The following DIAPH3 variants were observed in gnomAD, a reference collection of about 807,000 sequenced individuals.
DIAPH3 encodes protein diaphanous homolog 3.
A neutral mutation model predicts 144.3 loss-of-function variants in DIAPH3; 117 were observed. That is an observed-to-expected ratio of 0.81 (90% confidence interval 0.70 to 0.95). The LOEUF (loss-of-function observed/expected upper bound fraction) is 0.95. DIAPH3 is among the 40% of genes least tolerant of loss of function. The probability of loss-of-function intolerance (pLI) is 0.00; values close to 1 mark genes in which losing one functional copy is unlikely to be tolerated. For missense variants in DIAPH3, 1,421 were observed against 1,412.7 expected, an observed-to-expected ratio of 1.01 and a Z score of -0.09; for synonymous variants, 519 against 488.9, an observed-to-expected ratio of 1.06 and a Z score of -0.81.
intron 3 of DIAPH3, among the ~76,000 whole-genome samples, chr13:60,098,655 A>C (rs1408365779): frequency 6.6e-6 from 1 of 152,224 alleles, no homozygotes. Flanking sequence ...CCTTAAAAAA[A>C]AAGGCAATAT....
At chr13:59,970,820 T>A (rs750265713) in intron 16 of DIAPH3, 32 bp downstream of exon 16, 11 of 1,588,266 alleles carry the variant, frequency 6.9e-6, no homozygotes, top group Middle Eastern at 2.3e-4. Flanking sequence ...TAGATCTAAG[T>A]AAAAGTATTT....
chr13:59,822,716 C>T (rs1196195014), intron 24 of DIAPH3, among the ~76,000 whole-genome samples: 2 of 152,102 alleles, frequency 1.3e-5, no homozygotes, highest in Non-Finnish European at 2.9e-5. Flanking sequence ...GCTGGGATTA[C>T]AGGCCTGAGC....
intron 27 of DIAPH3, among the ~76,000 whole-genome samples, chr13:59,717,913 T>C (rs994526708): frequency 4.6e-5 from 7 of 152,154 alleles, no homozygotes; most frequent in Non-Finnish European, 1.0e-4. Flanking sequence ...GACAATCTTA[T>C]TTGTCATTAG....
At chr13:60,066,660 T>C (rs756003220) in intron 4 of DIAPH3, among the ~76,000 whole-genome samples, 3 of 152,252 alleles carry the variant, frequency 2.0e-5, no homozygotes, top group Admixed American at 1.3e-4. Flanking sequence ...ATTGTTCATA[T>C]GCTACATTCC....
At chr13:60,031,564 C>T (rs1325665317) in intron 5 of DIAPH3, among the ~76,000 whole-genome samples, 1 of 152,032 alleles carries the variant, frequency 6.6e-6, no homozygotes, top group Non-Finnish European at 1.5e-5. Context: ...AAGGTGAGTC[C>T]CTTTTACTTA....
At chr13:59,861,627 T>C (rs2043595861) in intron 21 of DIAPH3, 91 bp from the exon 22 acceptor site, 21 of 1,387,462 alleles carry the variant, frequency 1.5e-5, no homozygotes, top group Non-Finnish European at 2.1e-5. Flanking sequence ...ATTTTGTAGA[T>C]AAGGACTAAA....
intron 9 of DIAPH3, among the ~76,000 whole-genome samples, chr13:59,998,630 T>A (rs1594279174): frequency 1.3e-5 from 2 of 152,128 alleles, no homozygotes; most frequent in African/African-American, 4.8e-5. Flanking sequence ...TAACCATTAG[T>A]TTATACTTGG....
intron 1 of DIAPH3, among the ~76,000 whole-genome samples, chr13:60,134,245 A>T (rs2059212542): frequency 6.6e-6 from 1 of 152,224 alleles, no homozygotes; most frequent in South Asian, 2.1e-4. Context: ...TTGAATTAGA[A>T]TCACCTACTT....
chr13:59,994,531 A>G (rs1044641976), intron 9 of DIAPH3, among the ~76,000 whole-genome samples: 1 of 151,936 alleles, frequency 6.6e-6, no homozygotes. Context: ...CAATGAAGAT[A>G]TATCAGTAAA....
chr13:60,090,202 T>C (rs920966858), intron 4 of DIAPH3, among the ~76,000 whole-genome samples: 5 of 152,212 alleles, frequency 3.3e-5, no homozygotes, highest in Non-Finnish European at 7.3e-5. Flanking sequence ...CACGTTCCCA[T>C]GCCCTGAAAG....
chr13:60,064,738 C>T (rs1337197119), intron 4 of DIAPH3, among the ~76,000 whole-genome samples: 1 of 152,144 alleles, frequency 6.6e-6, no homozygotes, highest in African/African-American at 2.4e-5. Context: ...TAGAATTTTT[C>T]CTTTGCATTC....
intron 22 of DIAPH3, among the ~76,000 whole-genome samples, chr13:59,841,379 C>A (rs1413742070): frequency 6.6e-6 from 1 of 151,934 alleles, no homozygotes; most frequent in Non-Finnish European, 1.5e-5. Flanking sequence ...CAACTTGAAG[C>A]CAGGAGTTCA....
chr13:59,681,170 T>TA (rs1475144049), intron 27 of DIAPH3, among the ~76,000 whole-genome samples: 3 of 152,132 alleles, frequency 2.0e-5, no homozygotes, highest in Non-Finnish European at 2.9e-5. Flanking sequence ...CATACTTTGT[T>TA]AAAAAAACAA....
intron 27 of DIAPH3, among the ~76,000 whole-genome samples, chr13:59,762,439 G>A (rs1207106442): frequency 6.9e-6 from 1 of 144,928 alleles, no homozygotes; most frequent in African/African-American, 2.6e-5. Flanking sequence ...TTTGAGGTGG[G>A]AGTGGATTAT....
At chr13:59,867,051 ATATT>A (rs200142713) in intron 21 of DIAPH3, among the ~76,000 whole-genome samples, 1,610 of 148,474 alleles carry the variant, frequency 0.011, 9 homozygotes, top group Non-Finnish European at 0.019. Context: ...ATTTACATAT[ATATT>A]TATTTATTTA....
intron 27 of DIAPH3, among the ~76,000 whole-genome samples, chr13:59,692,801 T>C (rs1267907375): frequency 6.6e-6 from 1 of 152,150 alleles, no homozygotes; most frequent in Non-Finnish European, 1.5e-5. Flanking sequence ...TTCCAGGCTG[T>C]GTATTGCTCC....
chr13:60,010,416 C>A (rs907447198), intron 8 of DIAPH3, 117 bp downstream of exon 8: 4 of 1,121,134 alleles, frequency 3.6e-6, no homozygotes, highest in South Asian at 3.2e-5. Flanking sequence ...CTTAAATATA[C>A]CTCAACATTT....
chr13:59,757,391 C>A (rs2037334580), intron 27 of DIAPH3, among the ~76,000 whole-genome samples: 1 of 136,690 alleles, frequency 7.3e-6, no homozygotes, highest in African/African-American at 2.8e-5. Flanking sequence ...TATGGGTCAT[C>A]CTTTTTTTTT....
At chr13:59,893,145 G>A (rs1181107672) in intron 20 of DIAPH3, among the ~76,000 whole-genome samples, 2 of 152,100 alleles carry the variant, frequency 1.3e-5, no homozygotes, top group Non-Finnish European at 2.9e-5. Context: ...CATATGGTAT[G>A]ATGAACCGCC....
Sources: allele counts gnomAD v4.1 joint callset (sites outside exome capture counted in the v4.1 genomes callset), GRCh38; gene constraint gnomAD v4.1.1; transcripts MANE v1.5; gene names NCBI Gene and HGNC (gene_info 2026-07-23, HGNC 2026-07-21).